IBTK: variants seen among roughly 807,000 people sequenced by gnomAD.
IBTK encodes inhibitor of Bruton tyrosine kinase.
In IBTK, 83 loss-of-function variants were observed where a neutral mutation model predicts 154.9. The ratio of observed to expected loss-of-function variants is 0.54; its 90% CI spans 0.45 to 0.64. IBTK has a LOEUF of 0.64. IBTK is among the 30% of genes least tolerant of loss of function. IBTK has a pLI of 0.00. For synonymous variants in IBTK, 515 were observed against 536.1 expected, an observed-to-expected ratio of 0.96 and a Z score of 0.54; for missense variants, 1,332 against 1,584.6, an observed-to-expected ratio of 0.84 and a Z score of 2.71.
At chr6:82,218,274 A>AG in intron 9 of IBTK, 137 bp from the exon 10 acceptor site, 1 of 488,348 alleles carries the variant, frequency 2.0e-6, no homozygotes, top group Non-Finnish European at 3.3e-6. Flanking sequence ...ATTCTTCCAC[A>AG]GAAAAAGATA....
intron 21 of IBTK, among the ~76,000 whole-genome samples, chr6:82,197,373 A>ATTTTTTTTTTTTTTT (rs11422131): frequency 1.4e-5 from 2 of 138,400 alleles, no homozygotes; most frequent in African/African-American, 2.7e-5. Flanking sequence ...ATCTTTTTGA[A>ATTTTTTTTTTTTTTT]TTTTTTTTTT....
chr6:82,212,825 T>C, intron 12 of IBTK, 32 bp from the exon 13 acceptor site: 1 of 1,188,296 alleles, frequency 8.4e-7, no homozygotes, highest in Non-Finnish European at 1.3e-6. Flanking sequence ...TAACAATTGA[T>C]ATTCCCCTAC....
intron 16 of IBTK, among the ~76,000 whole-genome samples, chr6:82,210,054 C>T (rs1769569970): frequency 6.6e-6 from 1 of 152,148 alleles, no homozygotes; most frequent in Non-Finnish European, 1.5e-5. Context: ...TATGACAGAA[C>T]ATCCAGTACC....
chr6:82,246,371 T>C (rs998716952), intron 1 of IBTK, among the ~76,000 whole-genome samples: 1 of 151,418 alleles, frequency 6.6e-6, no homozygotes, highest in Admixed American at 6.6e-5. Context: ...TTTCACCAAG[T>C]TGGCCTCGAA....
At chr6:82,191,694 G>T in intron 24 of IBTK, 93 bp downstream of exon 24, 1 of 818,382 alleles carries the variant, frequency 1.2e-6, no homozygotes, top group Non-Finnish European at 2.1e-6. Context: ...AACATCAAAT[G>T]CAGAAAAATA....
chr6:82,241,184 T>C (rs564826814), intron 1 of IBTK, among the ~76,000 whole-genome samples: 8 of 152,288 alleles, frequency 5.3e-5, no homozygotes, highest in East Asian at 1.9e-4. Context: ...TTAACCCACA[T>C]TGGTTGTACT....
chr6:82,209,290 T>C (rs1469517515), intron 16 of IBTK, among the ~76,000 whole-genome samples: 2 of 152,148 alleles, frequency 1.3e-5, no homozygotes, highest in South Asian at 2.1e-4. Context: ...AGCAGCATGA[T>C]TCCTAATAGA....
chr6:82,240,226 C>T lies in IBTK; in HGVS notation c.261G>A (p.Trp87Ter). 6.2e-7 allele frequency: 1 copy of T among 1,614,182 alleles called. No homozygotes were observed. The highest frequency in any genetic ancestry group is 8.5e-7 in the Non-Finnish European group (1 of 1,180,014). Reference protein sequence around the residue: ...DLLVKDKESGWTALHRSIFYG... With the variant: ...DLLVKDKESG ...AAAAAATGCTTCTGTGCAATGCTGT[C>T]CATCCAGACTCTTTGTCTTTCACCA... Residue 87 changes from tryptophan (W) to a stop codon, truncating the protein, a stop_gained, in exon 2 of 29, where the codon TGG becomes TGA. Transcript: ENST00000306270. LOFTEE classifies it high-confidence loss of function.
chr6:82,226,460 C>T (rs1770301783), intron 5 of IBTK, among the ~76,000 whole-genome samples: 1 of 151,982 alleles, frequency 6.6e-6, no homozygotes, highest in African/African-American at 2.4e-5. Context: ...CACTAAGTTT[C>T]AGTAGCACAA....
At chr6:82,208,197 A>G (rs6907379) in intron 16 of IBTK, among the ~76,000 whole-genome samples, 7 of 151,154 alleles carry the variant, frequency 4.6e-5, no homozygotes, top group Admixed American at 2.0e-4. Flanking sequence ...ATCTCTCTCT[A>G]TATATATAAA....
chr6:82,172,087 A>G (rs1461949521), intron 28 of IBTK, among the ~76,000 whole-genome samples: 1 of 152,192 alleles, frequency 6.6e-6, no homozygotes, highest in Non-Finnish European at 1.5e-5. Context: ...GCAGCACTAG[A>G]GAATACTGCC....
chr6:82,179,566 TA>T (rs1386341184), intron 26 of IBTK, among the ~76,000 whole-genome samples: 1 of 152,166 alleles, frequency 6.6e-6, no homozygotes, highest in Non-Finnish European at 1.5e-5. Flanking sequence ...CGACGACCAG[TA>T]ATTGAACTTC....
rs1398260120 is a variant in IBTK, at chr6:82,170,443, T to G, written c.*982A>C. The G allele has an allele frequency of 6.6e-6, 1 of 152,222 alleles. No individual in the cohort carries two copies. The highest frequency in any genetic ancestry group is 1.5e-5 in the Non-Finnish European group (1 of 68,028). The allele number at this position is 152,222 out of a possible 1,614,324, so 9.4% of individuals were successfully genotyped here. ...ATTTATCTAGGTACTGAAGCACAAA[T>G]TTAACATTTGTTTTTGCAAAATTTA... On this transcript the variant is annotated 3_prime_UTR_variant, in exon 29 of 29. Coordinates refer to ENST00000306270, the MANE Select transcript of IBTK (RefSeq NM_015525.4).
In IBTK at chr6:82,218,082, G is replaced by T; in HGVS notation, c.1304C>A (p.Pro435Gln). The T allele has an allele frequency of 6.2e-7, 1 of 1,609,368 alleles. No individual in the cohort carries two copies. Among genetic ancestry groups the T allele is most frequent in the Non-Finnish European group, 8.5e-7 (1 of 1,178,010 alleles). ...AATATCAGAAATGAAGACCTGACGT[G>T]GATAGGCCCATCGACACTGCTTCAG... ...SSLKQCRWAY[P>Q]RQVFISDIAL... is the part of the protein sequence containing the mutation. Residue 435 changes from proline (P) to glutamine (Q), a missense_variant, in exon 10 of 29, where the codon CCA (proline) becomes CAA (glutamine). Physicochemically the swap from Pro to Gln is moderately conservative, Grantham distance 76 (BLOSUM62 -1). Around this residue, in one of 3 missense-constraint regions of IBTK, gnomAD observed 1,134 missense variants for 1,274.7 expected, o/e 0.89. Coordinates refer to ENST00000306270, the MANE Select transcript of IBTK (RefSeq NM_015525.4).
At chr6:82,238,036 G>A (rs540722022) in intron 2 of IBTK, among the ~76,000 whole-genome samples, 2 of 152,170 alleles carry the variant, frequency 1.3e-5, no homozygotes, top group East Asian at 3.9e-4. Flanking sequence ...TTGAGATCAG[G>A]AGTTCAAGAC....
chr6:82,234,290 T>C (rs778891141), intron 2 of IBTK, 35 bp from the exon 3 acceptor site: 2 of 762,082 alleles, frequency 2.6e-6, no homozygotes, highest in Admixed American at 6.3e-5. Context: ...CATAAATATA[T>C]ATATATTATT....
intron 1 of IBTK, among the ~76,000 whole-genome samples, chr6:82,242,788 T>A (rs1046055952): frequency 6.6e-6 from 1 of 150,684 alleles, no homozygotes; most frequent in Non-Finnish European, 1.5e-5. Flanking sequence ...CTACTAAAAA[T>A]ACAAAAATTA....
chr6:82,173,684 T>TATAC, intron 26 of IBTK: 1 of 218,858 alleles, frequency 4.6e-6, no homozygotes, highest in East Asian at 9.4e-5. Context: ...AATATATATA[T>TATAC]ACACACACCA....
chr6:82,212,677 T>G, intron 13 of IBTK, 30 bp downstream of exon 13: 25 of 1,416,646 alleles, frequency 1.8e-5, no homozygotes, highest in South Asian at 2.3e-5. Flanking sequence ...AATCCAGACA[T>G]GAAATGTTAA....
Sources: gnomAD v4.1 joint callset for allele counts (sites outside exome capture counted in the v4.1 genomes callset) on GRCh38, gnomAD v4.1.1 for gene constraint, gnomAD v4.1.1 regional missense constraint, MANE v1.5 for transcripts, NCBI Gene and HGNC (gene_info 2026-07-23, HGNC 2026-07-21) for gene names.